The following ITFG1 variants were observed in gnomAD, a reference collection of about 807,000 sequenced individuals.
ITFG1 encodes integrin alpha FG-GAP repeat containing 1.
Under a neutral mutation model 81.8 loss-of-function variants are expected in ITFG1, and 34 were observed. The observed-to-expected ratio is 0.42, with a 90% CI of 0.32 to 0.55. The LOEUF (loss-of-function observed/expected upper bound fraction) is 0.55, where lower values mean the gene tolerates loss of function less well. Among genes scored for constraint, ITFG1 ranks in the 20% least tolerant of loss-of-function variants. The pLI, the probability that ITFG1 is intolerant of heterozygous loss-of-function variation, is 0.17. For missense variants in ITFG1, 672 were observed against 755.4 expected (o/e 0.89, Z 1.29); for synonymous variants, 285 against 270.6 (o/e 1.05, Z -0.52).
At chr16:47,195,307 G>T (rs949531955) in intron 14 of ITFG1, among the ~76,000 whole-genome samples, 7 of 152,018 alleles carry the variant, frequency 4.6e-5, no homozygotes, top group Admixed American at 4.6e-4. Flanking sequence ...TGTTTCACTG[G>T]AAGAATCATC....
In ITFG1 at chr16:47,311,387, C is replaced by A. The variant is rs1296735085; in HGVS notation, c.923G>T (p.Ser308Ile). ...KQWVPVLQDFSNKGTLWGFVP... is the reference protein window; with the variant it reads ...KQWVPVLQDFINKGTLWGFVP... Reference sequence around the variant, plus strand: ...AAAGCCCCAGAGTGTGCCCTTATTGCTGAAATCTTGTAGGACTGGAACCCA... The same window carrying A: ...AAAGCCCCAGAGTGTGCCCTTATTGATGAAATCTTGTAGGACTGGAACCCA... The change falls in exon 10 of 18, where the codon AGC (serine) becomes ATC (isoleucine). Residue 308 changes from serine (S) to isoleucine (I), a missense_variant. Ser to Ile is a moderately radical substitution (Grantham distance 142). This residue lies in a region of ITFG1 where 560 missense variants were observed against 625.7 expected (regional missense o/e 0.90). Transcript: ENST00000320640. The A allele has an allele frequency of 2.5e-6, 4 of 1,612,724 alleles. No homozygotes were observed. In the African/African-American group the frequency reaches 5.3e-5, roughly 22 times the overall value.
chr16:47,443,896 A>G (rs1248240986), intron 5 of ITFG1, among the ~76,000 whole-genome samples: 1 of 152,116 alleles, frequency 6.6e-6, no homozygotes. Context: ...TTAAAGTATA[A>G]TAATAATAAA....
In ITFG1 at chr16:47,266,106, C is replaced by T. The variant is rs577007963; in HGVS notation, c.1071-5411G>A. Reference sequence around the variant, plus strand: ...ATATACGAAAATATATACGAACAGCCAATATGCACATGAAAAGATGTTCAA... The same window carrying T: ...ATATACGAAAATATATACGAACAGCTAATATGCACATGAAAAGATGTTCAA... On this transcript the variant is annotated intron_variant, in intron 10 of 17. Transcript: ENST00000320640. 4.6e-5 allele frequency among the ~76,000 whole-genome samples: 7 copies of T among 152,154 alleles called. No individual in the cohort carries two copies. In the South Asian group the frequency reaches 8.3e-4, roughly 18 times the overall value.
chr16:47,323,997 T>C (rs1416483705), intron 8 of ITFG1, among the ~76,000 whole-genome samples: 1 of 152,226 alleles, frequency 6.6e-6, no homozygotes, highest in Non-Finnish European at 1.5e-5. Context: ...TATAATCATT[T>C]TAGCTTTTCT....
chr16:47,215,796 ATCTC>A (rs560993079), intron 14 of ITFG1, among the ~76,000 whole-genome samples: 1 of 152,356 alleles, frequency 6.6e-6, no homozygotes, highest in South Asian at 2.1e-4. Flanking sequence ...AATTTATTAT[ATCTC>A]TATTTATAGA....
chr16:47,353,360 A>C (rs556124023), intron 8 of ITFG1, among the ~76,000 whole-genome samples: 9 of 152,312 alleles, frequency 5.9e-5, no homozygotes, highest in African/African-American at 1.7e-4. Flanking sequence ...CTTTGTGATA[A>C]AAACCTCTCA....
chr16:47,416,017 C>G (rs1968869719), intron 6 of ITFG1, among the ~76,000 whole-genome samples: 1 of 152,072 alleles, frequency 6.6e-6, no homozygotes, highest in Admixed American at 6.6e-5. Context: ...TCCCTTGAAC[C>G]CAGGAGGCAG....
At position 47,296,068 on chromosome 16, in the gene ITFG1, TTTTTA is replaced by T. The variant is rs59077423; in HGVS notation, c.1070+15167_1070+15171del. Among the ~76,000 whole-genome samples the T allele has an allele frequency of 9.3e-3, 1,376 of 148,492 alleles. 17 individuals carry two copies. The highest frequency in any genetic ancestry group is 0.029 in the African/African-American group (1,171 of 39,716). The stretch of plus-strand genomic sequence containing the variant: ...CATGCATCACCATGTCCCGGCTAAG[TTTTTA>T]TTTTATTTTATTTTATTTTATTTTA... On this transcript the variant is annotated intron_variant, in intron 10 of 17. Transcript: ENST00000320640.
intron 6 of ITFG1, among the ~76,000 whole-genome samples, chr16:47,393,455 G>A (rs1207373831): frequency 6.6e-6 from 1 of 152,204 alleles, no homozygotes; most frequent in Non-Finnish European, 1.5e-5. Flanking sequence ...TGGCAGCCGA[G>A]TGTGGTGACT....
At chr16:47,419,301 C>G (rs1968911879) in intron 6 of ITFG1, among the ~76,000 whole-genome samples, 2 of 152,140 alleles carry the variant, frequency 1.3e-5, no homozygotes, top group Admixed American at 1.3e-4. Context: ...CAGGGTCTCA[C>G]TCTGTCACTC....
chr16:47,185,153 G>C (rs1285564067), intron 14 of ITFG1, among the ~76,000 whole-genome samples: 1 of 151,978 alleles, frequency 6.6e-6, no homozygotes, highest in Non-Finnish European at 1.5e-5. Flanking sequence ...CCTACAAAGA[G>C]ACTTAGACTC....
At chr16:47,261,437 T>A (rs1165292922) in intron 10 of ITFG1, among the ~76,000 whole-genome samples, 1 of 152,198 alleles carries the variant, frequency 6.6e-6, no homozygotes, top group Non-Finnish European at 1.5e-5. Context: ...TGGCATCCAG[T>A]TAGTACTCAA....
intron 14 of ITFG1, among the ~76,000 whole-genome samples, chr16:47,206,507 A>G (rs970178334): frequency 4.6e-5 from 7 of 152,180 alleles, no homozygotes; most frequent in African/African-American, 1.7e-4. Context: ...ATGAAACTCC[A>G]TACCTATCAG....
At chr16:47,408,683 C>T (rs1968760975) in intron 6 of ITFG1, among the ~76,000 whole-genome samples, 1 of 151,970 alleles carries the variant, frequency 6.6e-6, no homozygotes, top group Non-Finnish European at 1.5e-5. Flanking sequence ...ATTTATGTGA[C>T]TTGTCACAGC....
rs374741790 is a variant in ITFG1 at position 47,429,208 on chromosome 16, C to T, written c.561-310G>A. Reference sequence around the variant, plus strand: ...GACATTTCACATAAATAAAATCATACACTATGTGGTCTTCTGTGTTTGGCT... The same window carrying T: ...GACATTTCACATAAATAAAATCATATACTATGTGGTCTTCTGTGTTTGGCT... On this transcript the variant is annotated intron_variant, in intron 5 of 17. Coordinates refer to ENST00000320640, the MANE Select transcript of ITFG1 (RefSeq NM_030790.5). Among the ~76,000 whole-genome samples, 12 of 152,302 alleles carry T rather than the reference C, an allele frequency of 7.9e-5. No individual in the cohort carries two copies. The East Asian group carries it at 1.3e-3, about 17-fold the overall frequency.
chr16:47,230,393 T>C (rs1026279445), intron 13 of ITFG1, among the ~76,000 whole-genome samples: 2 of 152,090 alleles, frequency 1.3e-5, no homozygotes, highest in South Asian at 4.1e-4. Context: ...TTAAGGATAC[T>C]GAGGTGAGGA....
chr16:47,184,984 C>G (rs1405738730), intron 14 of ITFG1, among the ~76,000 whole-genome samples: 3 of 151,544 alleles, frequency 2.0e-5, no homozygotes, highest in South Asian at 4.3e-4. Context: ...CAATCCTAGT[C>G]TCTGATAAAA....
intron 6 of ITFG1, among the ~76,000 whole-genome samples, chr16:47,412,983 A>G (rs1741688998): frequency 6.6e-6 from 1 of 152,194 alleles, no homozygotes; most frequent in Non-Finnish European, 1.5e-5. Context: ...CAATCTGGCT[A>G]GAGAGGTTGA....
At chr16:47,419,376 C>T (rs1451543416) in intron 6 of ITFG1, among the ~76,000 whole-genome samples, 1 of 151,968 alleles carries the variant, frequency 6.6e-6, no homozygotes, top group Non-Finnish European at 1.5e-5. Context: ...TCAAGCAATC[C>T]CCCCATCTCA....
Sources: gnomAD v4.1 joint callset for allele counts (sites outside exome capture counted in the v4.1 genomes callset) on GRCh38, gnomAD v4.1.1 for gene constraint, gnomAD v4.1.1 regional missense constraint, MANE v1.5 for transcripts, NCBI Gene and HGNC (gene_info 2026-07-23, HGNC 2026-07-21) for gene names.